The following CFAP299 variants were observed in gnomAD, a reference collection of about 807,000 sequenced individuals.
CFAP299 encodes the protein cilia and flagella associated protein 299, also known as cilia- and flagella-associated protein 299.
In CFAP299, 21 loss-of-function variants were observed where a neutral mutation model predicts 27.0. The ratio of observed to expected loss-of-function variants is 0.78; its 90% confidence interval spans 0.55 to 1.12. The LOEUF (loss-of-function observed/expected upper bound fraction) is 1.12, where lower values mean the gene tolerates loss of function less well. Among genes scored for constraint, CFAP299 ranks in the 50% most tolerant of loss-of-function variants. The pLI, the probability that CFAP299 is intolerant of heterozygous loss-of-function variation, is 0.00. For synonymous variants in CFAP299, 104 were observed against 98.1 expected (o/e 1.06, Z -0.36); for missense variants, 310 against 276.6 (o/e 1.12, Z -0.86).
At chr4:80,635,008 A>G (rs781191842) in intron 3 of CFAP299, among the ~76,000 whole-genome samples, 1 of 152,160 alleles carries the variant, frequency 6.6e-6, no homozygotes, top group Admixed American at 6.5e-5. Flanking sequence ...ATCTCTTATT[A>G]TGCTGTCTCC....
chr4:80,895,177 C>CAT (rs1262995105), intron 4 of CFAP299, among the ~76,000 whole-genome samples: 4 of 136,168 alleles, frequency 2.9e-5, no homozygotes, highest in Admixed American at 2.0e-4. Flanking sequence ...TCACCACACA[C>CAT]ACACACACAC....
chr4:80,327,689 G>GTT, the CFAP299 span, among the ~76,000 whole-genome samples: 1,443 of 17,096 alleles, frequency 0.084, 61 homozygotes, highest in African/African-American at 0.2. Flanking sequence ...ATAGAGAGAA[G>GTT]TTATATATAT....
intron 3 of CFAP299, among the ~76,000 whole-genome samples, chr4:80,659,168 G>T (rs17004963): frequency 0.075 from 11,475 of 152,032 alleles, 641 homozygotes; most frequent in East Asian, 0.22. Flanking sequence ...ATACTGGGCA[G>T]TTAAAAATAT....
chr4:80,573,871 A>G (rs1410946197), intron 2 of CFAP299, among the ~76,000 whole-genome samples: 2 of 152,162 alleles, frequency 1.3e-5, no homozygotes, highest in South Asian at 2.1e-4. Flanking sequence ...GCTCCATAGT[A>G]TAATTTGAAG....
At chr4:80,468,858 A>G (rs1364860170) in intron 2 of CFAP299, among the ~76,000 whole-genome samples, 6 of 149,668 alleles carry the variant, frequency 4.0e-5, no homozygotes, top group Admixed American at 2.7e-4. Flanking sequence ...AAAAAAAGGC[A>G]GTAAGAACCA....
intron 5 of CFAP299, among the ~76,000 whole-genome samples, chr4:80,960,517 C>T (rs930297774): frequency 6.6e-6 from 1 of 151,730 alleles, no homozygotes; most frequent in Non-Finnish European, 1.5e-5. Flanking sequence ...CAAGATTGTA[C>T]AGAGGTTCTG....
intron 3 of CFAP299, among the ~76,000 whole-genome samples, chr4:80,679,104 T>C (rs1249018918): frequency 6.6e-6 from 1 of 152,112 alleles, no homozygotes; most frequent in African/African-American, 2.4e-5. Context: ...ACCTCTAGGC[T>C]GCTCTTCATC....
intron 3 of CFAP299, among the ~76,000 whole-genome samples, chr4:80,701,815 G>C (rs1721501419): frequency 6.6e-6 from 1 of 151,886 alleles, no homozygotes; most frequent in South Asian, 2.1e-4. Context: ...CTTTTTACAG[G>C]CAAATGAAAT....
intron 2 of CFAP299, among the ~76,000 whole-genome samples, chr4:80,489,843 T>C (rs1731023673): frequency 6.6e-6 from 1 of 152,242 alleles, no homozygotes; most frequent in Admixed American, 6.5e-5. Context: ...CATCTATTTC[T>C]GTTAGAACCA....
intron 2 of CFAP299, among the ~76,000 whole-genome samples, chr4:80,379,608 GTTTAT>G (rs1378835875): frequency 6.6e-6 from 1 of 150,794 alleles, no homozygotes; most frequent in African/African-American, 2.4e-5. Context: ...TCATTTCTAT[GTTTAT>G]TTTAATTTTC....
intron 3 of CFAP299, among the ~76,000 whole-genome samples, chr4:80,692,533 C>T (rs1285525320): frequency 6.6e-6 from 1 of 152,114 alleles, no homozygotes; most frequent in Non-Finnish European, 1.5e-5. Context: ...ACACCTTATA[C>T]AAAAATCAAT....
At chr4:80,584,327 T>G (rs934445474) in intron 3 of CFAP299, among the ~76,000 whole-genome samples, 3 of 151,988 alleles carry the variant, frequency 2.0e-5, no homozygotes, top group Non-Finnish European at 2.9e-5. Context: ...AATGTTGCAA[T>G]AGGAATGGTA....
At chr4:80,334,688 A>G (rs1165287900), upstream of CFAP299, among the ~76,000 whole-genome samples, 1 of 152,222 alleles carries the variant, frequency 6.6e-6, no homozygotes, top group East Asian at 1.9e-4. Flanking sequence ...GTCAGAATAC[A>G]TTCATTAAAC....
intron 3 of CFAP299, among the ~76,000 whole-genome samples, chr4:80,793,665 A>G (rs2110100617): frequency 6.6e-6 from 1 of 152,290 alleles, no homozygotes; most frequent in East Asian, 1.9e-4. Flanking sequence ...CCCAAATGCT[A>G]TTACATAAAG....
intron 2 of CFAP299, among the ~76,000 whole-genome samples, chr4:80,466,994 T>A (rs1360666066): frequency 6.6e-6 from 1 of 152,236 alleles, no homozygotes; most frequent in East Asian, 1.9e-4. Context: ...CATAGTAGAA[T>A]TTAAAATTCA....
intron 3 of CFAP299, among the ~76,000 whole-genome samples, chr4:80,869,640 A>C (rs1283505955): frequency 6.6e-6 from 1 of 151,996 alleles, no homozygotes; most frequent in Non-Finnish European, 1.5e-5. Flanking sequence ...CAGCCTCCCA[A>C]GTAGCTGGGA....
intron 3 of CFAP299, among the ~76,000 whole-genome samples, chr4:80,768,003 A>G (rs753579542): frequency 2.0e-5 from 3 of 152,200 alleles, no homozygotes; most frequent in Non-Finnish European, 4.4e-5. Flanking sequence ...ATTCCTAGTA[A>G]AACACAATAT....
In CFAP299 at chr4:80,880,872, T is replaced by C. The variant is rs75884568; in HGVS notation, c.476+10737T>C. Among the ~76,000 whole-genome samples, 780 of 152,342 alleles carry C rather than the reference T, an allele frequency of 5.1e-3. 19 individuals are homozygous for C. The highest frequency in any genetic ancestry group is 0.018 in the African/African-American group (752 of 41,586). On this transcript the variant is annotated intron_variant, in intron 4 of 5. Transcript: ENST00000358105. The stretch of plus-strand genomic sequence containing the variant: ...TTGCCTTAGTACATGATTTCTCCTA[T>C]AGTGGGGAAAGTGAGATTGCAGTGT...
chr4:80,920,418 A>G (rs1238335338), intron 4 of CFAP299, among the ~76,000 whole-genome samples: 1 of 152,138 alleles, frequency 6.6e-6, no homozygotes, highest in East Asian at 1.9e-4. Flanking sequence ...ACTTCACTGT[A>G]CAAGGGGCAG....
Sources: allele counts gnomAD v4.1 joint callset (sites outside exome capture counted in the v4.1 genomes callset), GRCh38; gene constraint gnomAD v4.1.1; transcripts MANE v1.5; gene names NCBI Gene and HGNC (gene_info 2026-07-23, HGNC 2026-07-21).